DAZAP1: variants seen among roughly 807,000 people sequenced by gnomAD.
The protein encoded by DAZAP1 is DAZ associated protein 1.
DAZAP1 carries 6 observed loss-of-function variants against 60.1 expected under a neutral mutation model. The observed-to-expected ratio is 0.10, with a 90% CI of 0.05 to 0.20. DAZAP1 has a LOEUF of 0.20. DAZAP1 is among the 10% of genes least tolerant of loss of function. DAZAP1 has a pLI of 1.00. For missense variants in DAZAP1, 366 were observed against 560.4 expected (o/e 0.65, Z 3.50); for synonymous variants, 235 against 215.9 (o/e 1.09, Z -0.78).
chr19:1,419,928 C>T (rs1317407660), intron 4 of DAZAP1, among the ~76,000 whole-genome samples: 2 of 132,048 alleles, frequency 1.5e-5, no homozygotes, highest in Admixed American at 7.9e-5. Context: ...TCAACGGCAG[C>T]GAGCACTCAC....
chr19:1,427,537 G>A (rs908600138), intron 7 of DAZAP1: 1 of 152,294 alleles, frequency 6.6e-6, no homozygotes. Flanking sequence ...CTCCATGCCA[G>A]GCGACTGCAT....
In DAZAP1 at chr19:1,407,625, C is replaced by CGCA; in HGVS notation, c.-147_-146insAGC. The CGCA allele has an allele frequency of 3.4e-6, 2 of 587,300 alleles. No individual in the cohort carries two copies. The highest frequency in any genetic ancestry group is 4.2e-6 in the Non-Finnish European group (2 of 470,926). The allele number at this position is 587,300 out of a possible 1,614,324, so 36.4% of individuals were successfully genotyped here. On this transcript the variant is annotated 5_prime_UTR_variant, in exon 1 of 12. Coordinates refer to ENST00000233078, the MANE Select transcript of DAZAP1 (RefSeq NM_018959.4). ...GGCGCCGAGGGGAGGAGGCAGCCGC[C>CGCA]GCCGCCGCCGCCGCCGCCGCCGCCG...
At chr19:1,408,661 C>T (rs900429692) in intron 1 of DAZAP1, among the ~76,000 whole-genome samples, 3 of 152,188 alleles carry the variant, frequency 2.0e-5, no homozygotes, top group African/African-American at 7.2e-5. Context: ...GCTTGAGCTG[C>T]GGAAGGGAGA....
At chr19:1,430,912 G>A (rs372447604) in intron 10 of DAZAP1, among the ~76,000 whole-genome samples, 96 of 147,982 alleles carry the variant, frequency 6.5e-4, no homozygotes, top group African/African-American at 2.1e-3. Context: ...TAGTAGAGAC[G>A]GGGTTTCACC....
chr19:1,414,485 G>T (rs1184980604), intron 1 of DAZAP1, among the ~76,000 whole-genome samples: 1 of 152,100 alleles, frequency 6.6e-6, no homozygotes, highest in African/African-American at 2.4e-5. Context: ...AGCTACTCAC[G>T]CCTGTCATCC....
chr19:1,411,489 C>T (rs552604834), intron 1 of DAZAP1, among the ~76,000 whole-genome samples: 3 of 152,302 alleles, frequency 2.0e-5, no homozygotes, highest in African/African-American at 7.2e-5. Context: ...TGTCCTGTGT[C>T]GGCTCCTTTG....
intron 1 of DAZAP1, among the ~76,000 whole-genome samples, chr19:1,410,601 C>T (rs1016186925): frequency 6.6e-6 from 1 of 152,234 alleles, no homozygotes; most frequent in Non-Finnish European, 1.5e-5. Flanking sequence ...TGACACAGCG[C>T]GGCCGGGGTC....
At chr19:1,429,555 G>C (rs926813954) in intron 8 of DAZAP1, among the ~76,000 whole-genome samples, 6 of 152,194 alleles carry the variant, frequency 3.9e-5, no homozygotes, top group Non-Finnish European at 8.8e-5. Context: ...TCCGGGTCCC[G>C]AGACTGTGGC....
chr19:1,407,600 G>A lies in DAZAP1; in HGVS notation c.-174G>A, dbSNP rs2082699980. 1 of 370,830 alleles carries A rather than the reference G, an allele frequency of 2.7e-6. No individual in the cohort carries two copies. The highest frequency in any genetic ancestry group is 1.0e-4 in the South Asian group (1 of 9,964). The allele number at this position is 370,830 out of a possible 1,614,324, so 23.0% of individuals were successfully genotyped here. On this transcript the variant is annotated 5_prime_UTR_variant, in exon 1 of 12. Coordinates refer to ENST00000233078, the MANE Select transcript of DAZAP1 (RefSeq NM_018959.4). ...GGCGCGGGGACGCGCGGTGACCGTT[G>A]GCGCCGAGGGGAGGAGGCAGCCGCC...
rs1297344067 is a variant in DAZAP1, at chr19:1,432,489, G to T, written c.872-25G>T. On this transcript the variant is annotated intron_variant, in intron 10 of 11. Transcript: ENST00000233078. This position sits in a 1 kb window ranked among gnomAD's most constrained non-coding sequence, Gnocchi z 4.9. ...CCCCCAGCTGCACAACGTGTCTTGT[G>T]CCTTGCCCTCTTGTACCTCTGCAGG... 2 of 1,613,128 alleles carry T rather than the reference G, an allele frequency of 1.2e-6. No homozygotes were observed. The highest frequency in any genetic ancestry group is 1.7e-5 in the Admixed American group (1 of 60,002).
At chr19:1,415,395 T>G (rs2082951579) in intron 1 of DAZAP1, among the ~76,000 whole-genome samples, 2 of 90,220 alleles carry the variant, frequency 2.2e-5, no homozygotes, top group African/African-American at 8.2e-5. Context: ...GTGTGTTTTG[T>G]TTTTTTTTTT....
intron 1 of DAZAP1, among the ~76,000 whole-genome samples, chr19:1,411,836 G>A (rs991907581): frequency 2.6e-5 from 4 of 152,228 alleles, no homozygotes; most frequent in Admixed American, 1.3e-4. Flanking sequence ...CTGGTCAGGC[G>A]GCTATGTTCA....
At position 1,425,696 on chromosome 19, in the gene DAZAP1, C is replaced by A. The variant is rs1347345824; in HGVS notation, c.464-182C>A. Among the ~76,000 whole-genome samples, 1 of 152,242 alleles carries A rather than the reference C, an allele frequency of 6.6e-6. No homozygotes were observed. The highest frequency in any genetic ancestry group is 1.5e-5 in the Non-Finnish European group (1 of 68,040). On this transcript the variant is annotated intron_variant, in intron 6 of 11. Transcript: ENST00000233078. The surrounding 1 kb of genome is among the most constrained non-coding windows in gnomAD (Gnocchi z 5.4). ...GTGCGGACGTCACCGTCTGTCCACT[C>A]CGTGTGCAGTCGAGTGGTGGCTCCT...
At position 1,418,713 on chromosome 19, in the gene DAZAP1, A is replaced by G. The variant is rs2083059903; in HGVS notation, c.285A>G (p.Thr95=). 1.2e-6 allele frequency: 2 copies of G among 1,612,476 alleles called. No homozygotes were observed. The highest frequency in any genetic ancestry group is 2.2e-5 in the East Asian group (1 of 44,856). ...CTPRGMQPER[T]RPKEGWQKGP... ...CCCGGGGGATGCAGCCGGAGAGAAC[A>G]CGGCCGAAGGAAGGATGGGTAAGGG... Residue 95 remains threonine (T), a synonymous_variant, in exon 4 of 12, where the codon ACA becomes ACG. Transcript: ENST00000233078. This position sits in a 1 kb window ranked among gnomAD's most constrained non-coding sequence, Gnocchi z 5.7.
chr19:1,417,613 C>A, intron 2 of DAZAP1, 73 bp downstream of exon 2: 1 of 1,351,966 alleles, frequency 7.4e-7, no homozygotes, highest in Non-Finnish European at 1.0e-6. Context: ...TTGTGTCTGC[C>A]CGCCTCTTGC....
At chr19:1,424,088 T>A (rs1332653030) in intron 6 of DAZAP1, among the ~76,000 whole-genome samples, 3 of 142,476 alleles carry the variant, frequency 2.1e-5, no homozygotes, top group Non-Finnish European at 4.6e-5. Context: ...CCCCGCCACC[T>A]CCTCCCTCTT....
At chr19:1,413,572 G>A (rs1402974825) in intron 1 of DAZAP1, among the ~76,000 whole-genome samples, 1 of 152,372 alleles carries the variant, frequency 6.6e-6, no homozygotes, top group Non-Finnish European at 1.5e-5. Flanking sequence ...GGTGGCTCCT[G>A]AGTGGTAGTA....
Position 1,422,426 on chromosome 19 carries a change from T to C in DAZAP1, c.463+30T>C, listed in dbSNP as rs370415256. On this transcript the variant is annotated intron_variant, in intron 6 of 11. Coordinates refer to ENST00000233078, the MANE Select transcript of DAZAP1 (RefSeq NM_018959.4). The surrounding 1 kb of genome is among the most constrained non-coding windows in gnomAD (Gnocchi z 4.5). ...GGGCAGATCTAGTTTGACCTCGGCC[T>C]TCTCCCTGCTCCTCCCTCAGATGGC... 6 of 1,608,168 alleles carry C rather than the reference T, an allele frequency of 3.7e-6. No homozygotes were observed. The highest frequency in any genetic ancestry group is 5.1e-6 in the Non-Finnish European group (6 of 1,175,410).
At chr19:1,408,185 G>A (rs998684648) in intron 1 of DAZAP1, among the ~76,000 whole-genome samples, 16 of 151,768 alleles carry the variant, frequency 1.1e-4, no homozygotes, top group African/African-American at 3.9e-4. Flanking sequence ...ACCCCGAATG[G>A]GAGCCAGAGG....
Sources: gnomAD v4.1 joint callset for allele counts (sites outside exome capture counted in the v4.1 genomes callset) on GRCh38, gnomAD v4.1.1 for gene constraint, Gnocchi (gnomAD v3.1) non-coding constraint, MANE v1.5 for transcripts, NCBI Gene and HGNC (gene_info 2026-07-23, HGNC 2026-07-21) for gene names.